TENM3: variants seen among roughly 807,000 people sequenced by gnomAD.
TENM3 encodes teneurin transmembrane protein 3, also known as teneurin-3.
Under a neutral mutation model 255.1 loss-of-function variants are expected in TENM3, and 63 were observed. That is an observed-to-expected ratio of 0.25 (90% confidence interval 0.20 to 0.30). The LOEUF (loss-of-function observed/expected upper bound fraction) is 0.30. TENM3 is among the 10% of genes least tolerant of loss of function. TENM3 has a pLI of 1.00. For missense variants in TENM3, 2,929 were observed against 3,461.1 expected, an observed-to-expected ratio of 0.85 and a Z score of 3.86; for synonymous variants, 1,306 against 1,322.3, an observed-to-expected ratio of 0.99 and a Z score of 0.27.
chr4:181,777,124 A>G, the TENM3 span, among the ~76,000 whole-genome samples: 19 of 152,060 alleles, frequency 1.2e-4, no homozygotes, highest in Non-Finnish European at 2.5e-4. Context: ...AGATTTAAGT[A>G]TCTATTTTCA....
chr4:182,378,608 G>A (rs1168069831), intron 3 of TENM3, among the ~76,000 whole-genome samples: 3 of 152,286 alleles, frequency 2.0e-5, no homozygotes, highest in Middle Eastern at 3.4e-3. Flanking sequence ...TAATGGGAGC[G>A]CTGGAGAAAC....
chr4:182,719,521 A>T (rs1369535086), intron 13 of TENM3, among the ~76,000 whole-genome samples: 1 of 151,786 alleles, frequency 6.6e-6, no homozygotes, highest in African/African-American at 2.4e-5. Context: ...GGCCTCCCAA[A>T]GTGCTGGGAT....
intron 1 of TENM3, among the ~76,000 whole-genome samples, chr4:182,177,315 T>C (rs1242207232): frequency 2.0e-5 from 3 of 152,082 alleles, no homozygotes; most frequent in Non-Finnish European, 4.4e-5. Flanking sequence ...CCAAACACTT[T>C]CACTTTCTCA....
the TENM3 span, among the ~76,000 whole-genome samples, chr4:181,969,441 T>C: frequency 6.6e-6 from 1 of 152,214 alleles, no homozygotes; most frequent in African/African-American, 2.4e-5. Context: ...TTGATATATA[T>C]TGAGCATAAA....
intron 3 of TENM3, among the ~76,000 whole-genome samples, chr4:182,352,456 G>C (rs1765248700): frequency 1.3e-5 from 2 of 152,100 alleles, no homozygotes; most frequent in Non-Finnish European, 2.9e-5. Context: ...CAATTTAACT[G>C]ATGCTCATCA....
the TENM3 span, among the ~76,000 whole-genome samples, chr4:181,693,498 C>G: frequency 1.1e-3 from 161 of 152,274 alleles, 1 homozygote; most frequent in Non-Finnish European, 2.1e-4. Context: ...GTGTAGCCAT[C>G]CAGGAAGAGT....
the TENM3 span, among the ~76,000 whole-genome samples, chr4:182,055,229 C>T: frequency 6.6e-6 from 1 of 151,998 alleles, no homozygotes; most frequent in Non-Finnish European, 1.5e-5. Flanking sequence ...CACCTATAGT[C>T]CCAGCTACTC....
At chr4:181,698,213 C>CAA in the TENM3 span, among the ~76,000 whole-genome samples, 1,195 of 119,482 alleles carry the variant, frequency 0.01, 19 homozygotes, top group African/African-American at 0.036. Context: ...GACTCTGTCT[C>CAA]AAAAAAAAAA....
At chr4:181,709,152 T>G in the TENM3 span, among the ~76,000 whole-genome samples, 1 of 152,238 alleles carries the variant, frequency 6.6e-6, no homozygotes, top group Admixed American at 6.5e-5. Context: ...CACTACATAT[T>G]AATCAATCTA....
intron 1 of TENM3, among the ~76,000 whole-genome samples, chr4:182,288,565 G>A (rs1489701042): frequency 2.0e-5 from 3 of 152,198 alleles, no homozygotes; most frequent in Non-Finnish European, 4.4e-5. Context: ...ATGAGTGGAT[G>A]GATAGATTTA....
intron 3 of TENM3, among the ~76,000 whole-genome samples, chr4:182,468,868 G>A (rs6823236): frequency 0.09 from 12,236 of 135,660 alleles, 886 homozygotes; most frequent in African/African-American, 0.21. Context: ...GTGTGTGTGT[G>A]TGTATGTGCA....
chr4:182,004,196 G>A, the TENM3 span, among the ~76,000 whole-genome samples: 10 of 151,840 alleles, frequency 6.6e-5, no homozygotes, highest in East Asian at 7.7e-4. Flanking sequence ...CTATTGACAC[G>A]TTCTTTAATT....
the TENM3 span, among the ~76,000 whole-genome samples, chr4:181,591,683 TAGGAGCACG>T: frequency 6.6e-6 from 1 of 152,160 alleles, no homozygotes; most frequent in Non-Finnish European, 1.5e-5. Context: ...TACATTCTCA[TAGGAGCACG>T]AGCCCTATTG....
chr4:181,759,561 T>C, the TENM3 span, among the ~76,000 whole-genome samples: 8 of 152,198 alleles, frequency 5.3e-5, no homozygotes, highest in East Asian at 7.7e-4. Flanking sequence ...AAACTATAAA[T>C]GTATTTGCAC....
chr4:182,713,221 A>G (rs1042759546), intron 12 of TENM3, among the ~76,000 whole-genome samples: 5 of 151,954 alleles, frequency 3.3e-5, no homozygotes, highest in African/African-American at 1.2e-4. Context: ...ACAAAATATC[A>G]CTCTTCGCTA....
In TENM3 at chr4:182,331,396, G is replaced by A. The variant is rs141450111; in HGVS notation, c.232+7144G>A. Among the ~76,000 whole-genome samples the A allele has an allele frequency of 2.3e-3, 351 of 151,998 alleles. 2 individuals are homozygous for A. Among genetic ancestry groups the A allele is most frequent in the African/African-American group, 8.2e-3 (339 of 41,458 alleles). On this transcript the variant is annotated intron_variant, in intron 2 of 27. Coordinates refer to ENST00000511685, the MANE Select transcript of TENM3 (RefSeq NM_001080477.4). Reference sequence around the variant, plus strand: ...CCCGGTCTCTACTAAAAATACAAAAGTTAGCCAGGTGTGGTGGCAGGAGCC... The same window carrying A: ...CCCGGTCTCTACTAAAAATACAAAAATTAGCCAGGTGTGGTGGCAGGAGCC...
At chr4:181,745,037 C>A in the TENM3 span, among the ~76,000 whole-genome samples, 1 of 152,104 alleles carries the variant, frequency 6.6e-6, no homozygotes, top group African/African-American at 2.4e-5. Flanking sequence ...TTAAGGTCAT[C>A]TGACTGGGTA....
At chr4:181,509,509 C>A in the TENM3 span, among the ~76,000 whole-genome samples, 1 of 152,104 alleles carries the variant, frequency 6.6e-6, no homozygotes, top group African/African-American at 2.4e-5. Context: ...AAGCTTTAAG[C>A]CTCTGAGTTT....
intron 4 of TENM3, among the ~76,000 whole-genome samples, chr4:182,603,764 T>C (rs1748125061): frequency 8.7e-6 from 1 of 115,418 alleles, no homozygotes; most frequent in African/African-American, 2.8e-5. Flanking sequence ...TTGGCAATTA[T>C]TTATATATAT....
Sources: allele counts gnomAD v4.1 joint callset (sites outside exome capture counted in the v4.1 genomes callset), GRCh38; gene constraint gnomAD v4.1.1; transcripts MANE v1.5; gene names NCBI Gene and HGNC (gene_info 2026-07-23, HGNC 2026-07-21).